Variants in IL6ST observed in about 807,000 individuals in gnomAD.
The protein encoded by IL6ST is interleukin 6 cytokine family signal transducer.
Under a neutral mutation model 91.3 loss-of-function variants are expected in IL6ST, and 24 were observed. That is an observed-to-expected ratio of 0.26 (90% confidence interval 0.19 to 0.37). The LOEUF is 0.37. Among genes scored for constraint, IL6ST ranks in the 10% least tolerant of loss-of-function variants. IL6ST has a pLI of 1.00. For missense variants in IL6ST, 914 were observed against 1,078.5 expected, an observed-to-expected ratio of 0.85 and a Z score of 2.14; for synonymous variants, 351 against 373.6, an observed-to-expected ratio of 0.94 and a Z score of 0.70.
At chr5:55,981,273 A>C (rs1753653670) in intron 2 of IL6ST, among the ~76,000 whole-genome samples, 1 of 152,230 alleles carries the variant, frequency 6.6e-6, no homozygotes, top group East Asian at 1.9e-4. Context: ...GTCCAAATCT[A>C]AGAGATGAAG....
chr5:55,961,931 G>A (rs1381617695), intron 7 of IL6ST, among the ~76,000 whole-genome samples: 2 of 152,146 alleles, frequency 1.3e-5, no homozygotes, highest in African/African-American at 4.8e-5. Flanking sequence ...AGGTCAGCAT[G>A]ACACAACAAA....
At chr5:55,956,735 C>A (rs6873661) in intron 9 of IL6ST, among the ~76,000 whole-genome samples, 1 of 152,110 alleles carries the variant, frequency 6.6e-6, no homozygotes, top group Non-Finnish European at 1.5e-5. Context: ...ATGAACCTGA[C>A]TTCTATATAA....
chr5:55,958,551 A>G (rs1752118604), intron 8 of IL6ST, among the ~76,000 whole-genome samples: 1 of 152,154 alleles, frequency 6.6e-6, no homozygotes, highest in Non-Finnish European at 1.5e-5. Flanking sequence ...AAATCTAAGC[A>G]GTAAGGCTGG....
Position 55,957,227 on chromosome 5 carries a change from A to G in IL6ST, c.1038T>C (p.Thr346=). The G allele has an allele frequency of 1.3e-6, 2 of 1,538,012 alleles. No homozygotes were observed. Among genetic ancestry groups the G allele is most frequent in the Non-Finnish European group, 1.8e-6 (2 of 1,132,138 alleles). The change falls in exon 9 of 17, where the codon ACT becomes ACC. Residue 346 remains threonine, a synonymous_variant. Transcript: ENST00000381298. ...IDPSHTQGYR[T]VQLVWKTLPP... is the part of the protein sequence containing the mutation. ...TTTTTACCTTCCACACGAGTTGTAC[A>G]GTTCTGTAGCCTTGAGTATGGGATG...
rs932466727 is a variant in IL6ST at position 55,994,944 on chromosome 5, T to G, written c.-264A>C. The G allele has an allele frequency of 2.6e-5, 4 of 152,022 alleles. No individual in the cohort carries two copies. Among genetic ancestry groups the G allele is most frequent in the East Asian group, 2.0e-4 (1 of 5,124 alleles). The allele number at this position is 152,022 out of a possible 1,614,324, so 9.4% of individuals were successfully genotyped here. A position where few individuals can be genotyped will look rare whatever the true frequency, so the allele number is the denominator to read the frequency against. On this transcript the variant is annotated 5_prime_UTR_variant, in exon 1 of 17. Coordinates refer to ENST00000381298, the MANE Select transcript of IL6ST (RefSeq NM_002184.4). ...GGGCCTTTTGGCTGCTCGCCCCGGC[T>G]CCGGAACACTGTCAGATCCTTCTCC... is the stretch of plus-strand genomic sequence containing the variant.
At chr5:55,972,643 TAAGA>T in intron 3 of IL6ST, among the ~76,000 whole-genome samples, 1 of 152,284 alleles carries the variant, frequency 6.6e-6, no homozygotes, top group East Asian at 1.9e-4. Flanking sequence ...GTATTTTAAT[TAAGA>T]AAGGTATCTG....
At chr5:55,974,711 C>T (rs1753173579) in intron 3 of IL6ST, among the ~76,000 whole-genome samples, 1 of 152,058 alleles carries the variant, frequency 6.6e-6, no homozygotes, top group Admixed American at 6.6e-5. Context: ...GTCTTGAACT[C>T]CTAACCTCAA....
Position 55,941,412 on chromosome 5 carries a change from C to T in IL6ST, c.2427G>A (p.Leu809=), listed in dbSNP as rs1750903697. 6.2e-7 allele frequency: 1 copy of T among 1,613,984 alleles called. No homozygotes were observed. The highest frequency in any genetic ancestry group is 1.3e-5 in the African/African-American group (1 of 74,882). The change falls in exon 17 of 17, where the codon TTG becomes TTA. Residue 809 remains leucine, a synonymous_variant. Coordinates refer to ENST00000381298, the MANE Select transcript of IL6ST (RefSeq NM_002184.4). ...TCTGTTTGAAGTACTGTTGCCTGGG[C>T]AAAATACCATCACCGCCATCTACAT... is the stretch of plus-strand genomic sequence containing the variant. ...VDHVDGGDGI[L]PRQQYFKQNC... is the part of the protein sequence containing the mutation.
intron 7 of IL6ST, among the ~76,000 whole-genome samples, chr5:55,961,016 G>A (rs1752281489): frequency 6.6e-6 from 1 of 151,292 alleles, no homozygotes; most frequent in South Asian, 2.1e-4. Flanking sequence ...TCAGCTCACT[G>A]CAACCTCCGC....
intron 1 of IL6ST, among the ~76,000 whole-genome samples, chr5:55,983,062 C>T (rs773187920): frequency 4.2e-4 from 63 of 150,570 alleles, no homozygotes; most frequent in Non-Finnish European, 2.7e-4. Context: ...TGCAGTAGCA[C>T]AATTACAGCT....
chr5:55,972,535 GT>G (rs1753023419), intron 3 of IL6ST, among the ~76,000 whole-genome samples: 1 of 151,964 alleles, frequency 6.6e-6, no homozygotes, highest in Non-Finnish European at 1.5e-5. Flanking sequence ...CAAATGTTCC[GT>G]TTTTCAAAGT....
chr5:55,959,310 G>C (rs936690054), intron 8 of IL6ST, among the ~76,000 whole-genome samples: 1 of 152,148 alleles, frequency 6.6e-6, no homozygotes, highest in Non-Finnish European at 1.5e-5. Flanking sequence ...AGAAATCTTA[G>C]GGCAGAAGGG....
rs1219383741 is a variant in IL6ST, at chr5:55,940,131, G to GGGTATA, written c.*950_*951insTATACC. ...CTTAAGAAAAGTCAATGATATGTGT[G>GGGTATA]TGTATATATATATATATATATACAC... On this transcript the variant is annotated 3_prime_UTR_variant, in exon 17 of 17. Coordinates refer to ENST00000381298, the MANE Select transcript of IL6ST (RefSeq NM_002184.4). The GGGTATA allele has an allele frequency of 1.2e-3, 211 of 177,756 alleles. No homozygotes were observed. Among genetic ancestry groups the GGGTATA allele is most frequent in the Middle Eastern group, 8.3e-3 (5 of 606 alleles). 11.0% of individuals were successfully genotyped at this position (177,756 alleles called of 1,614,324 possible). A position where few individuals can be genotyped will look rare whatever the true frequency, so the allele number is the denominator to read the frequency against.
chr5:55,946,063 A>T (rs1751231875), intron 15 of IL6ST, among the ~76,000 whole-genome samples: 1 of 152,238 alleles, frequency 6.6e-6, no homozygotes, highest in Non-Finnish European at 1.5e-5. Context: ...AATTATAAAC[A>T]AAATAACCCA....
Position 55,981,373 on chromosome 5 carries a change from G to A in IL6ST, c.-16+1351C>T, listed in dbSNP as rs144301576. On this transcript the variant is annotated intron_variant, in intron 2 of 16. Coordinates refer to ENST00000381298, the MANE Select transcript of IL6ST (RefSeq NM_002184.4). ...AATTGACAGAATTATGGCCGGGTGC[G>A]GTGGCTCATGCCTGTAATCCCAGCA... Among the ~76,000 whole-genome samples, 212 of 152,204 alleles carry A rather than the reference G, an allele frequency of 1.4e-3. No individual in the cohort carries two copies. The Middle Eastern group carries it at 0.017, about 12-fold the overall frequency.
At chr5:55,984,879 C>A (rs1376232719) in intron 1 of IL6ST, among the ~76,000 whole-genome samples, 1 of 152,050 alleles carries the variant, frequency 6.6e-6, no homozygotes, top group Non-Finnish European at 1.5e-5. Context: ...ATTACAGTAG[C>A]CCCTAGGAAA....
intron 6 of IL6ST, among the ~76,000 whole-genome samples, chr5:55,963,843 C>T (rs930297533): frequency 1.3e-5 from 2 of 152,018 alleles, no homozygotes; most frequent in Non-Finnish European, 2.9e-5. Flanking sequence ...GAACAGAAAA[C>T]ATTCAAAGTG....
chr5:55,945,625 TTCA>T (rs1751194269), intron 15 of IL6ST, among the ~76,000 whole-genome samples: 1 of 142,580 alleles, frequency 7.0e-6, no homozygotes, highest in African/African-American at 2.6e-5. Context: ...TAAAATGAAC[TTCA>T]TCAAAATAAA....
intron 1 of IL6ST, among the ~76,000 whole-genome samples, chr5:55,993,844 G>A (rs1242468873): frequency 3.3e-5 from 5 of 152,116 alleles, no homozygotes; most frequent in African/African-American, 1.2e-4. Context: ...GATGATCTGA[G>A]TCCGTAATTT....
Sources: gnomAD v4.1 joint callset for allele counts (sites outside exome capture counted in the v4.1 genomes callset) on GRCh38, gnomAD v4.1.1 for gene constraint, MANE v1.5 for transcripts, NCBI Gene and HGNC (gene_info 2026-07-23, HGNC 2026-07-21) for gene names.